The following CAMTA1 variants were observed in gnomAD, a reference collection of about 807,000 sequenced individuals.
CAMTA1 encodes calmodulin binding transcription activator 1, also known as calmodulin-binding transcription activator 1.
Under a neutral mutation model 170.9 loss-of-function variants are expected in CAMTA1, and 27 were observed. That is an observed-to-expected ratio of 0.16 (90% CI 0.12 to 0.22). The LOEUF is 0.22. Ranked by LOEUF, CAMTA1 falls within the 10% of genes least tolerant of loss-of-function variation. The pLI is 1.00. For synonymous variants in CAMTA1, 833 were observed against 891.5 expected (o/e 0.93, Z 1.17); for missense variants, 1,619 against 2,217.2 (o/e 0.73, Z 5.42).
intron 3 of CAMTA1, among the ~76,000 whole-genome samples, chr1:7,051,287 C>T (rs535713682): frequency 6.6e-6 from 1 of 152,270 alleles, no homozygotes; most frequent in South Asian, 2.1e-4. Context: ...TGGCCACGTG[C>T]AGAGGCAGAC....
chr1:7,144,342 C>T lies in CAMTA1; in HGVS notation c.302+52971C>T, dbSNP rs1462934275. Among the ~76,000 whole-genome samples, 2 of 152,052 alleles carry T rather than the reference C, an allele frequency of 1.3e-5. No homozygotes were observed. Among genetic ancestry groups the T allele is most frequent in the Admixed American group, 1.3e-4 (2 of 15,266 alleles). ...CAGAGCGAAAGAGAGAGTCTCTTTTCGTTCTAAGGCCACCAATTCTATTGG... is the reference window on the plus strand; with the variant it reads ...CAGAGCGAAAGAGAGAGTCTCTTTTTGTTCTAAGGCCACCAATTCTATTGG... On this transcript the variant is annotated intron_variant, in intron 4 of 22. Transcript: ENST00000303635. This position sits in a 1 kb window ranked among gnomAD's most constrained non-coding sequence, Gnocchi z 4.0.
intron 4 of CAMTA1, among the ~76,000 whole-genome samples, chr1:7,179,505 A>G (rs1651659127): frequency 6.6e-6 from 1 of 152,230 alleles, no homozygotes; most frequent in Non-Finnish European, 1.5e-5. Flanking sequence ...ATATTAGCTC[A>G]CAAAGAAAAT....
chr1:7,385,839 G>A (rs150605080), intron 5 of CAMTA1, among the ~76,000 whole-genome samples: 4 of 152,292 alleles, frequency 2.6e-5, no homozygotes, highest in Non-Finnish European at 5.9e-5. Context: ...CGCCTCTGAC[G>A]GTCTGATTGA....
At chr1:7,752,222 T>C (rs886186322) in intron 20 of CAMTA1, among the ~76,000 whole-genome samples, 9 of 152,206 alleles carry the variant, frequency 5.9e-5, no homozygotes, top group African/African-American at 1.9e-4. Context: ...GTATAGTCTG[T>C]CTTGAAGCTG....
intron 5 of CAMTA1, among the ~76,000 whole-genome samples, chr1:7,253,461 C>A (rs1666913378): frequency 6.6e-6 from 1 of 152,122 alleles, no homozygotes; most frequent in African/African-American, 2.4e-5. Context: ...GTCCCAGAAC[C>A]CAAGGCAGCT....
chr1:7,697,330 C>T (rs2096387410), intron 11 of CAMTA1, among the ~76,000 whole-genome samples: 1 of 152,234 alleles, frequency 6.6e-6, no homozygotes, highest in Non-Finnish European at 1.5e-5. Flanking sequence ...TATTCCAGAT[C>T]TTTCCATCCC....
intron 5 of CAMTA1, among the ~76,000 whole-genome samples, chr1:7,382,301 G>A (rs2149071852): frequency 6.6e-6 from 1 of 152,354 alleles, no homozygotes; most frequent in East Asian, 1.9e-4. Flanking sequence ...TGCAAAGTTA[G>A]TTGTTTTCCT....
chr1:6,804,788 T>C (rs1644326093), intron 1 of CAMTA1, among the ~76,000 whole-genome samples: 1 of 152,180 alleles, frequency 6.6e-6, no homozygotes, highest in Non-Finnish European at 1.5e-5. Flanking sequence ...ACTCCTGGGC[T>C]CAAGTGATCC....
chr1:7,743,010 G>C (rs1246535937), intron 16 of CAMTA1, among the ~76,000 whole-genome samples: 1 of 152,068 alleles, frequency 6.6e-6, no homozygotes, highest in Non-Finnish European at 1.5e-5. Flanking sequence ...CACCATATCT[G>C]GCTAATTTTG....
At position 6,852,306 on chromosome 1, in the gene CAMTA1, A is replaced by G. The variant is rs546367341; in HGVS notation, c.234+27096A>G. Among the ~76,000 whole-genome samples, 39 of 152,210 alleles carry G rather than the reference A, an allele frequency of 2.6e-4. 1 individual carries two copies. The highest frequency in any genetic ancestry group is 1.0e-3 in the Admixed American group (16 of 15,286). On this transcript the variant is annotated intron_variant, in intron 3 of 22. Coordinates refer to ENST00000303635, the MANE Select transcript of CAMTA1 (RefSeq NM_015215.4). ...ACACTCACAAAACTTCTCATACCAA[A>G]TGTGTAGGGTTTTTTTCATACCAAC...
At chr1:7,295,287 G>A (rs989978294) in intron 5 of CAMTA1, among the ~76,000 whole-genome samples, 36 of 152,070 alleles carry the variant, frequency 2.4e-4, no homozygotes, top group African/African-American at 7.0e-4. Context: ...GACCCATTCC[G>A]GCCCTGTCTC....
chr1:7,072,095 T>G (rs1638723302), intron 3 of CAMTA1, among the ~76,000 whole-genome samples: 1 of 152,256 alleles, frequency 6.6e-6, no homozygotes, highest in South Asian at 2.1e-4. Context: ...ATCAGCCCTA[T>G]GACCACTCTC....
chr1:7,677,466 A>G, intron 10 of CAMTA1, 133 bp from the exon 11 acceptor site: 1 of 1,046,518 alleles, frequency 9.6e-7, no homozygotes. Flanking sequence ...GAGCAGGCAT[A>G]GGCTACCATT....
At chr1:7,367,220 C>T (rs568807536) in intron 5 of CAMTA1, among the ~76,000 whole-genome samples, 1 of 152,266 alleles carries the variant, frequency 6.6e-6, no homozygotes, top group East Asian at 1.9e-4. Context: ...ATGGCCAGCT[C>T]TCTTCTCCTC....
rs116529790 is a variant in CAMTA1 at position 7,765,034 on chromosome 1, A to G, written c.4990-1425A>G. 9.4e-3 allele frequency among the ~76,000 whole-genome samples: 1,433 copies of G among 152,266 alleles called. 23 individuals carry two copies. Among genetic ancestry groups the G allele is most frequent in the African/African-American group, 0.033 (1,361 of 41,538 alleles). On this transcript the variant is annotated intron_variant, in intron 22 of 22. Transcript: ENST00000303635. The stretch of plus-strand genomic sequence containing the variant: ...GAGCCTCTTAGAGAATCAGAAAAAT[A>G]TATTTGAGATTATAGCCCTCTGTAT...
chr1:7,222,836 G>A (rs984139078), intron 4 of CAMTA1, among the ~76,000 whole-genome samples: 1 of 152,198 alleles, frequency 6.6e-6, no homozygotes, highest in Non-Finnish European at 1.5e-5. Context: ...GCTCTGCAGT[G>A]GTGCCAGCTT....
intron 4 of CAMTA1, among the ~76,000 whole-genome samples, chr1:7,125,765 C>T (rs1376533854): frequency 1.3e-5 from 2 of 152,134 alleles, no homozygotes; most frequent in Non-Finnish European, 2.9e-5. Flanking sequence ...CTGAGGGCCT[C>T]ATACATCACC....
At chr1:6,949,450 C>T (rs1052563754) in intron 3 of CAMTA1, among the ~76,000 whole-genome samples, 1 of 152,226 alleles carries the variant, frequency 6.6e-6, no homozygotes, top group Non-Finnish European at 1.5e-5. Flanking sequence ...ACGATGTTGG[C>T]CTCTGTGACT....
In CAMTA1 at chr1:6,968,024, G is replaced by A. The variant is rs1309846721; in HGVS notation, c.235-123280G>A. On this transcript the variant is annotated intron_variant, in intron 3 of 22. Coordinates refer to ENST00000303635, the MANE Select transcript of CAMTA1 (RefSeq NM_015215.4). ...CAAACTAGTAATAATGCTTTAACTC[G>A]AAGAACATCGATAAATTGCCAAACT... 2.6e-5 allele frequency among the ~76,000 whole-genome samples: 4 copies of A among 152,164 alleles called. No individual in the cohort carries two copies. In the East Asian group the frequency reaches 7.7e-4, roughly 29 times the overall value.
Sources: gnomAD v4.1 joint callset for allele counts (sites outside exome capture counted in the v4.1 genomes callset) on GRCh38, gnomAD v4.1.1 for gene constraint, Gnocchi (gnomAD v3.1) non-coding constraint, MANE v1.5 for transcripts, NCBI Gene and HGNC (gene_info 2026-07-23, HGNC 2026-07-21) for gene names.